KCNT2: variants seen among roughly 807,000 people sequenced by gnomAD.
KCNT2 encodes potassium channel subfamily T member 2.
A neutral mutation model predicts 153.8 loss-of-function variants in KCNT2; 67 were observed. That is an observed-to-expected ratio of 0.44 (90% CI 0.36 to 0.53). KCNT2 has a LOEUF of 0.53. Among genes scored for constraint, KCNT2 ranks in the 20% least tolerant of loss-of-function variants. The pLI is 0.00. For missense variants in KCNT2, 975 were observed against 1,354.8 expected (o/e 0.72, Z 4.40); for synonymous variants, 500 against 458.8 (o/e 1.09, Z -1.15).
At chr1:196,405,904 A>C (rs1341333656) in intron 12 of KCNT2, among the ~76,000 whole-genome samples, 3 of 151,548 alleles carry the variant, frequency 2.0e-5, no homozygotes, top group Non-Finnish European at 4.4e-5. Flanking sequence ...AATCACAAAC[A>C]CTTATAAAAT....
At chr1:196,421,216 T>A (rs930859726) in intron 12 of KCNT2, among the ~76,000 whole-genome samples, 4 of 152,040 alleles carry the variant, frequency 2.6e-5, no homozygotes, top group Admixed American at 2.6e-4. Flanking sequence ...TAAATCTTCT[T>A]ACTCATTTCT....
chr1:196,501,605 G>T (rs1220603266), intron 1 of KCNT2, among the ~76,000 whole-genome samples: 1 of 152,050 alleles, frequency 6.6e-6, no homozygotes, highest in Non-Finnish European at 1.5e-5. Flanking sequence ...TGGGCAGGTG[G>T]GATGGAGGTA....
chr1:196,471,227 A>G (rs951442404), intron 5 of KCNT2, among the ~76,000 whole-genome samples: 3 of 151,876 alleles, frequency 2.0e-5, no homozygotes, highest in Non-Finnish European at 4.4e-5. Context: ...TAAATACTAA[A>G]CTGTGATTTG....
At chr1:196,239,009 A>T (rs917416336) in intron 26 of KCNT2, among the ~76,000 whole-genome samples, 21 of 151,872 alleles carry the variant, frequency 1.4e-4, no homozygotes, top group African/African-American at 4.8e-4. Context: ...AATGTGGCAA[A>T]TTTGTAGGAT....
In KCNT2 at chr1:196,250,455, C is replaced by A. The variant is rs189159645; in HGVS notation, c.3211+7739G>T. Among the ~76,000 whole-genome samples, 82 of 152,208 alleles carry A rather than the reference C, an allele frequency of 5.4e-4. No homozygotes were observed. In the East Asian group the frequency reaches 0.014, roughly 27 times the overall value. On this transcript the variant is annotated intron_variant, in intron 26 of 27. Coordinates refer to ENST00000294725, the MANE Select transcript of KCNT2 (RefSeq NM_198503.5). Reference sequence around the variant, plus strand: ...GTGGAAGAATGAAGCTAGACCATTACCTCTCACCATTTACAAAAATAAATC... The same window carrying A: ...GTGGAAGAATGAAGCTAGACCATTAACTCTCACCATTTACAAAAATAAATC...
intron 26 of KCNT2, among the ~76,000 whole-genome samples, chr1:196,244,334 CT>C (rs1475073306): frequency 6.6e-6 from 1 of 152,046 alleles, no homozygotes. Flanking sequence ...GTAAAGGGGA[CT>C]TTGTCTTGCA....
chr1:196,551,291 A>G (rs760246041), intron 1 of KCNT2, among the ~76,000 whole-genome samples: 1 of 151,852 alleles, frequency 6.6e-6, no homozygotes, highest in Non-Finnish European at 1.5e-5. Flanking sequence ...GGTTTGAAGA[A>G]CAAACATAAA....
At chr1:196,380,603 T>C (rs563576840) in intron 13 of KCNT2, among the ~76,000 whole-genome samples, 11 of 152,264 alleles carry the variant, frequency 7.2e-5, no homozygotes, top group Admixed American at 5.2e-4. Flanking sequence ...AAATCAAATA[T>C]CCTTTGGAAA....
chr1:196,586,689 G>A (rs542945740), intron 1 of KCNT2, among the ~76,000 whole-genome samples: 15 of 150,620 alleles, frequency 1.0e-4, no homozygotes, highest in Non-Finnish European at 1.6e-4. Flanking sequence ...ATAATTTAGA[G>A]GCTACTAACA....
intron 12 of KCNT2, among the ~76,000 whole-genome samples, chr1:196,422,441 A>C (rs1287143701): frequency 6.6e-6 from 1 of 151,950 alleles, no homozygotes; most frequent in African/African-American, 2.4e-5. Context: ...GCACTTAAAA[A>C]AATTATAAAA....
At chr1:196,327,538 T>C (rs1027250914) in intron 18 of KCNT2, among the ~76,000 whole-genome samples, 4 of 152,156 alleles carry the variant, frequency 2.6e-5, no homozygotes, top group Non-Finnish European at 5.9e-5. Flanking sequence ...TTCAGATAAA[T>C]TATCTGCACG....
At chr1:196,463,312 T>C (rs1430099690) in intron 8 of KCNT2, among the ~76,000 whole-genome samples, 2 of 151,830 alleles carry the variant, frequency 1.3e-5, no homozygotes, top group African/African-American at 4.8e-5. Flanking sequence ...ACCTTTGATG[T>C]TGAACTTGAA....
At chr1:196,251,966 C>T (rs908775919) in intron 26 of KCNT2, among the ~76,000 whole-genome samples, 6 of 151,786 alleles carry the variant, frequency 4.0e-5, no homozygotes, top group African/African-American at 1.4e-4. Context: ...TTCTTTTATG[C>T]AACATATATG....
chr1:196,377,644 T>C (rs1669085574), intron 13 of KCNT2, among the ~76,000 whole-genome samples: 1 of 151,996 alleles, frequency 6.6e-6, no homozygotes, highest in Non-Finnish European at 1.5e-5. Context: ...TAAGAACTGA[T>C]CACTTTGCAA....
At chr1:196,331,913 A>G (rs1376793844) in intron 17 of KCNT2, among the ~76,000 whole-genome samples, 2 of 152,132 alleles carry the variant, frequency 1.3e-5, no homozygotes, top group African/African-American at 2.4e-5. Context: ...TTATCAGAGA[A>G]TTTAGCTTGC....
chr1:196,372,787 G>A (rs1210378999), intron 14 of KCNT2, among the ~76,000 whole-genome samples: 4 of 151,856 alleles, frequency 2.6e-5, no homozygotes, highest in Non-Finnish European at 1.5e-5. Context: ...TAATAACTGT[G>A]AGAATCCTTT....
intron 1 of KCNT2, among the ~76,000 whole-genome samples, chr1:196,542,928 G>T (rs998886011): frequency 7.9e-5 from 12 of 152,176 alleles, no homozygotes; most frequent in African/African-American, 2.9e-4. Flanking sequence ...CTGAGAAAAT[G>T]ACCAAGATAC....
At chr1:196,595,607 A>G (rs1455266210) in intron 1 of KCNT2, among the ~76,000 whole-genome samples, 3 of 152,182 alleles carry the variant, frequency 2.0e-5, no homozygotes, top group Admixed American at 6.6e-5. Flanking sequence ...TACTTATAAT[A>G]ACTAGTACAA....
intron 14 of KCNT2, among the ~76,000 whole-genome samples, chr1:196,371,730 T>C (rs990818315): frequency 1.4e-4 from 21 of 152,104 alleles, no homozygotes; most frequent in Non-Finnish European, 8.8e-5. Context: ...TTTTAACTTA[T>C]GTGAAGTATA....
Sources: allele counts gnomAD v4.1 joint callset (sites outside exome capture counted in the v4.1 genomes callset), GRCh38; gene constraint gnomAD v4.1.1; transcripts MANE v1.5; gene names NCBI Gene and HGNC (gene_info 2026-07-23, HGNC 2026-07-21).